SNRPN: variants seen among roughly 807,000 people sequenced by gnomAD.
SNRPN encodes the protein small nuclear ribonucleoprotein-associated protein N.
A neutral mutation model predicts 25.2 loss-of-function variants in SNRPN; 7 were observed. The observed-to-expected ratio is 0.28, with a 90% CI of 0.16 to 0.52. The LOEUF (loss-of-function observed/expected upper bound fraction) is 0.52. Ranked by LOEUF, SNRPN falls within the 20% of genes least tolerant of loss-of-function variation. The pLI is 0.96. For synonymous variants in SNRPN, 124 were observed against 110.6 expected, an observed-to-expected ratio of 1.12 and a Z score of -0.76; for missense variants, 196 against 322.5, an observed-to-expected ratio of 0.61 and a Z score of 3.00.
At chr15:24,838,971 GC>G (rs1425326278) in intron 2 of SNRPN, among the ~76,000 whole-genome samples, 1 of 151,984 alleles carries the variant, frequency 6.6e-6, no homozygotes, top group Admixed American at 6.6e-5. Context: ...CCAAGAACAT[GC>G]ACTTTGAAGA....
intron 1 of SNRPN, among the ~76,000 whole-genome samples, chr15:24,956,720 G>T (rs937022080): frequency 3.3e-5 from 5 of 152,220 alleles, no homozygotes; most frequent in Non-Finnish European, 7.3e-5. Context: ...AGGGAGATGG[G>T]TTGGCGCAGG....
intron 2 of SNRPN, among the ~76,000 whole-genome samples, chr15:24,837,512 G>A (rs1335722912): frequency 6.6e-6 from 1 of 150,894 alleles, no homozygotes; most frequent in Non-Finnish European, 1.5e-5. Context: ...GGGACTACAG[G>A]CGCCCACCAC....
At chr15:24,835,581 G>A (rs1429770642) in intron 2 of SNRPN, among the ~76,000 whole-genome samples, 2 of 152,032 alleles carry the variant, frequency 1.3e-5, no homozygotes, top group African/African-American at 4.8e-5. Context: ...TTCCCCATCA[G>A]AGTTGTCTAT....
chr15:24,862,877 G>T (rs1258220253), intron 1 of SNRPN, among the ~76,000 whole-genome samples: 1 of 150,548 alleles, frequency 6.6e-6, no homozygotes, highest in Non-Finnish European at 1.5e-5. Context: ...TGAGATAAGG[G>T]CAGTGGGTTG....
At chr15:24,937,655 G>A (rs1596022731) in intron 3 of SNRPN, among the ~76,000 whole-genome samples, 1 of 152,036 alleles carries the variant, frequency 6.6e-6, no homozygotes, top group East Asian at 1.9e-4. Context: ...CATCTTACCC[G>A]TTTCAGGGGC....
chr15:24,872,199 C>G (rs1316344244), intron 1 of SNRPN, among the ~76,000 whole-genome samples: 2 of 117,108 alleles, frequency 1.7e-5, no homozygotes, highest in African/African-American at 5.8e-5. Context: ...ATGAGTATCA[C>G]TTTTGTTGCC....
chr15:24,974,804 C>A (rs142305213), intron 4 of SNRPN: 1 of 642,740 alleles, frequency 1.6e-6, no homozygotes, highest in Non-Finnish European at 2.8e-6. Context: ...GGTGATCCAC[C>A]CACCTCGGCC....
intron 3 of SNRPN, among the ~76,000 whole-genome samples, chr15:24,930,283 G>C (rs1257202493): frequency 6.7e-6 from 1 of 148,208 alleles, no homozygotes; most frequent in Non-Finnish European, 1.5e-5. Flanking sequence ...ATGTTAAATA[G>C]ATGATTTATT....
chr15:24,976,273 TTA>T, intron 5 of SNRPN, 30 bp from the exon 6 acceptor site: 1 of 1,537,136 alleles, frequency 6.5e-7, no homozygotes, highest in South Asian at 1.1e-5. Context: ...TCACTAAAAT[TTA>T]TCTCACTAAA....
chr15:24,868,855 G>T (rs74940871), intron 1 of SNRPN, among the ~76,000 whole-genome samples: 3 of 152,134 alleles, frequency 2.0e-5, no homozygotes, highest in African/African-American at 7.2e-5. Context: ...CAAAAGGAGA[G>T]ACCAGGTGCA....
At chr15:24,894,273 C>T (rs1007117834) in intron 2 of SNRPN, among the ~76,000 whole-genome samples, 7 of 152,012 alleles carry the variant, frequency 4.6e-5, no homozygotes, top group African/African-American at 1.7e-4. Flanking sequence ...GGCTGGAGCG[C>T]AGTGGTGTGA....
chr15:24,937,366 C>T lies in SNRPN; in HGVS notation c.-391+17242C>T, dbSNP rs146392301. 6.7e-3 allele frequency among the ~76,000 whole-genome samples: 1,023 copies of T among 151,700 alleles called. 20 individuals are homozygous for T. The highest frequency in any genetic ancestry group is 0.034 in the Middle Eastern group (10 of 290). Reference sequence around the variant, plus strand: ...ACAAAACAAAACAAAACAAAAAAAACGAAAAAGCAAGACAAAAACAAAACA... The same window carrying T: ...ACAAAACAAAACAAAACAAAAAAAATGAAAAAGCAAGACAAAAACAAAACA... On this transcript the variant is annotated intron_variant, in intron 3 of 11. Transcript: ENST00000400097.
rs142245709 is a variant in SNRPN, at chr15:24,887,740, G to A, written c.-505+1151G>A. On this transcript the variant is annotated intron_variant, in intron 2 of 11. Coordinates refer to the SNRPN transcript ENST00000400097. Reference sequence around the variant, plus strand: ...CTGGGATAGACAAGGGAGGCCTCTTGTTCCTTGAAATGATACCCCAGCCCA... The same window carrying A: ...CTGGGATAGACAAGGGAGGCCTCTTATTCCTTGAAATGATACCCCAGCCCA... Among the ~76,000 whole-genome samples, 79 of 152,290 alleles carry A rather than the reference G, an allele frequency of 5.2e-4. 1 individual carries two copies. The East Asian group carries it at 0.014, about 27-fold the overall frequency.
At chr15:24,955,128 A>T in intron 1 of SNRPN, 66 bp downstream of exon 1, 1 of 1,607,964 alleles carries the variant, frequency 6.2e-7, no homozygotes, top group Non-Finnish European at 8.5e-7. Context: ...TTCATCAGAT[A>T]TTCCAAGTTT....
intron 1 of SNRPN, among the ~76,000 whole-genome samples, chr15:24,960,062 C>T (rs1020846987): frequency 6.6e-6 from 1 of 151,766 alleles, no homozygotes; most frequent in African/African-American, 2.4e-5. Context: ...GGCAGGAGCT[C>T]GACATCAGCC....
chr15:24,912,047 C>A (rs978175164), intron 2 of SNRPN, among the ~76,000 whole-genome samples: 1 of 152,294 alleles, frequency 6.6e-6, no homozygotes, highest in South Asian at 2.1e-4. Context: ...GAGGTAGAAT[C>A]AAAAAAGCTG....
chr15:24,955,355 G>C (rs911136307), intron 1 of SNRPN, among the ~76,000 whole-genome samples: 3 of 151,852 alleles, frequency 2.0e-5, no homozygotes, highest in Non-Finnish European at 4.4e-5. Context: ...GTGGTGACTG[G>C]GAGCATGCGG....
At chr15:24,831,037 C>T (rs868796017) in intron 2 of SNRPN, among the ~76,000 whole-genome samples, 1 of 151,974 alleles carries the variant, frequency 6.6e-6, no homozygotes. Context: ...AAGTCTCCAA[C>T]GATAATAGCG....
chr15:24,911,934 C>A (rs2059244354), intron 2 of SNRPN, among the ~76,000 whole-genome samples: 2 of 152,202 alleles, frequency 1.3e-5, no homozygotes, highest in South Asian at 4.1e-4. Context: ...CACCTGACTA[C>A]AACCTGTAGA....
Sources: gnomAD v4.1 joint callset for allele counts (sites outside exome capture counted in the v4.1 genomes callset) on GRCh38, gnomAD v4.1.1 for gene constraint, MANE v1.5 for transcripts, NCBI Gene and HGNC (gene_info 2026-07-23, HGNC 2026-07-21) for gene names.